Variants in MBTPS2 observed in about 807,000 individuals in gnomAD.
MBTPS2 encodes the protein membrane-bound transcription factor site-2 protease.
Under a neutral mutation model 35.4 loss-of-function variants are expected in MBTPS2, and 2 were observed. The observed-to-expected ratio is 0.06, with a 90% CI of 0.02 to 0.18. MBTPS2 has a LOEUF of 0.18. Ranked by LOEUF, MBTPS2 falls within the 10% of genes least tolerant of loss-of-function variation. MBTPS2 has a pLI of 1.00. For missense variants in MBTPS2, 244 were observed against 386.5 expected (o/e 0.63, Z 3.09); for synonymous variants, 125 against 140.4 (o/e 0.89, Z 0.77).
intron 1 of MBTPS2, among the ~76,000 whole-genome samples, chrX:21,842,746 CATT>C (rs1414590741): frequency 8.9e-6 from 1 of 112,048 alleles, no homozygotes; most frequent in African/African-American, 3.2e-5. Flanking sequence ...TTGTGGCTCA[CATT>C]ATATTTCTAT....
intron 7 of MBTPS2, among the ~76,000 whole-genome samples, chrX:21,874,579 C>T (rs1359406288): frequency 8.9e-6 from 1 of 111,734 alleles, no homozygotes; most frequent in Non-Finnish European, 1.9e-5. Context: ...TGGTCTAGAC[C>T]ATTCTTTGTA....
chrX:21,853,178 C>A (rs1005824753), intron 4 of MBTPS2, among the ~76,000 whole-genome samples, 198 bp from the exon 5 acceptor site: 1 of 110,652 alleles, frequency 9.0e-6, no homozygotes, highest in Non-Finnish European at 1.9e-5. Flanking sequence ...TTCAATTTCA[C>A]AGATAACCAA....
At chrX:21,852,799 C>CT (rs1292323161) in intron 4 of MBTPS2, among the ~76,000 whole-genome samples, 31 of 101,393 alleles carry the variant, frequency 3.1e-4, no homozygotes, top group African/African-American at 5.0e-4. Flanking sequence ...AAATGGTTCT[C>CT]TTTTTTTTTT....
intron 2 of MBTPS2, 21 bp from the exon 3 acceptor site, chrX:21,845,150 G>C (rs746374071): frequency 1.7e-6 from 2 of 1,208,417 alleles, no homozygotes; most frequent in East Asian, 5.9e-5. Context: ...AAATTAACAT[G>C]ATTTTTTTCC....
chrX:21,882,702 T>C lies in MBTPS2; in HGVS notation c.*47T>C, dbSNP rs1418921109. 1 of 1,204,019 alleles carries C rather than the reference T, an allele frequency of 8.3e-7. No individual in the cohort carries two copies. Among genetic ancestry groups the C allele is most frequent in the Admixed American group, 2.2e-5 (1 of 45,629 alleles). On this transcript the variant is annotated 3_prime_UTR_variant, in exon 11 of 11. Transcript: ENST00000379484. ...ATCCCTGAGTTACAGTATACAGCTA[T>C]GTGGTAATATTCATTGCCATTGAAA...
intron 2 of MBTPS2, among the ~76,000 whole-genome samples, chrX:21,844,012 A>G (rs1442308201): frequency 4.7e-5 from 5 of 107,009 alleles, no homozygotes; most frequent in Non-Finnish European, 9.6e-5. Flanking sequence ...TCGGGAGGCT[A>G]AGGCACAAGA....
rs1038938679 is a variant in MBTPS2 at position 21,883,934 on chromosome X, C to T, written c.*1279C>T. On this transcript the variant is annotated 3_prime_UTR_variant, in exon 11 of 11. Coordinates refer to ENST00000379484, the MANE Select transcript of MBTPS2 (RefSeq NM_015884.4). ...TTGGTCCTAGGAGTATATGAGCTTG[C>T]TGTTTCTTTGATGGAAAATACATGC... is the stretch of plus-strand genomic sequence containing the variant. 4.0e-6 allele frequency: 3 copies of T among 753,882 alleles called. No individual in the cohort carries two copies. Among genetic ancestry groups the T allele is most frequent in the Non-Finnish European group, 4.7e-6 (3 of 639,295 alleles). 62.1% of individuals were successfully genotyped at this position (753,882 alleles called of 1,213,427 possible).
intron 5 of MBTPS2, 62 bp from the exon 6 acceptor site, chrX:21,868,405 C>A: frequency 1.4e-6 from 1 of 715,516 alleles, no homozygotes; most frequent in Non-Finnish European, 2.3e-6. Context: ...GTTGTGAGGT[C>A]CAGCTACTTA....
At chrX:21,854,965 T>C (rs2092918828) in intron 5 of MBTPS2, among the ~76,000 whole-genome samples, 1 of 112,086 alleles carries the variant, frequency 8.9e-6, no homozygotes, top group African/African-American at 3.2e-5. Context: ...ATGAAATCAT[T>C]TTACTGAGAT....
At position 21,884,754 on chromosome X, in the gene MBTPS2, A is replaced by G. The variant is rs1334000983; in HGVS notation, c.*2099A>G. 1.5e-6 allele frequency: 1 copy of G among 661,793 alleles called. No homozygotes were observed. Among genetic ancestry groups the G allele is most frequent in the African/African-American group, 2.4e-5 (1 of 41,543 alleles). The allele number at this position is 661,793 out of a possible 1,213,427, so 54.5% of individuals were successfully genotyped here. A position where few individuals can be genotyped will look rare whatever the true frequency, so the allele number is the denominator to read the frequency against. ...ACAGTGCATGAGACATAAGTACTTAATAAATGCAGTTGAATGGATAATGAT... is the reference window on the plus strand; with the variant it reads ...ACAGTGCATGAGACATAAGTACTTAGTAAATGCAGTTGAATGGATAATGAT... On this transcript the variant is annotated 3_prime_UTR_variant, in exon 11 of 11. Transcript: ENST00000379484.
At chrX:21,841,212 G>T (rs897163712) in intron 1 of MBTPS2, among the ~76,000 whole-genome samples, 14 of 111,583 alleles carry the variant, frequency 1.3e-4, no homozygotes, top group African/African-American at 4.6e-4. Context: ...CCTGAGTCCA[G>T]GAGTTTGAGA....
chrX:21,858,455 TGC>T (rs1335314693), intron 5 of MBTPS2: 1 of 123,152 alleles, frequency 8.1e-6, no homozygotes, highest in African/African-American at 3.3e-5. Flanking sequence ...AAAAGTAGTT[TGC>T]CTATATCAGT....
At chrX:21,849,745 G>A (rs2092912509) in intron 3 of MBTPS2, among the ~76,000 whole-genome samples, 1 of 107,902 alleles carries the variant, frequency 9.3e-6, no homozygotes, top group Admixed American at 1.0e-4. Context: ...AGACAGGACC[G>A]GCCGGGCGCA....
intron 3 of MBTPS2, among the ~76,000 whole-genome samples, chrX:21,846,597 C>A (rs1409023482): frequency 8.9e-6 from 1 of 111,901 alleles, no homozygotes; most frequent in African/African-American, 3.2e-5. Context: ...CTTGAACTTC[C>A]GACCTCAGAT....
Position 21,883,854 on chromosome X carries a change from G to C in MBTPS2, c.*1199G>C. 8.0e-6 allele frequency: 6 copies of C among 754,286 alleles called. No homozygotes were observed. The highest frequency in any genetic ancestry group is 9.4e-6 in the Non-Finnish European group (6 of 639,415). The allele number at this position is 754,286 out of a possible 1,213,427, so 62.2% of individuals were successfully genotyped here. A position where few individuals can be genotyped will look rare whatever the true frequency, so the allele number is the denominator to read the frequency against. ...GCCACGCCTGCTTTGAGGTCTTTTGGAGTGGAGATGCAGCCCTGGGAAATT... is the reference window on the plus strand; with the variant it reads ...GCCACGCCTGCTTTGAGGTCTTTTGCAGTGGAGATGCAGCCCTGGGAAATT... On this transcript the variant is annotated 3_prime_UTR_variant, in exon 11 of 11. Coordinates refer to ENST00000379484, the MANE Select transcript of MBTPS2 (RefSeq NM_015884.4).
rs913616816 is a variant in MBTPS2, at chrX:21,883,879, T to C, written c.*1224T>C. On this transcript the variant is annotated 3_prime_UTR_variant, in exon 11 of 11. Coordinates refer to ENST00000379484, the MANE Select transcript of MBTPS2 (RefSeq NM_015884.4). ...GAGTGGAGATGCAGCCCTGGGAAATTTGGGGAGTCAGCAGGCCAGTGTGAA... is the reference window on the plus strand; with the variant it reads ...GAGTGGAGATGCAGCCCTGGGAAATCTGGGGAGTCAGCAGGCCAGTGTGAA... 2.7e-6 allele frequency: 2 copies of C among 753,777 alleles called. No individual in the cohort carries two copies. The highest frequency in any genetic ancestry group is 1.4e-4 in the South Asian group (2 of 14,781). 62.1% of individuals were successfully genotyped at this position (753,777 alleles called of 1,213,427 possible).
intron 7 of MBTPS2, among the ~76,000 whole-genome samples, chrX:21,875,885 T>G (rs1443772216): frequency 5.3e-5 from 6 of 112,203 alleles, no homozygotes; most frequent in African/African-American, 1.9e-4. Flanking sequence ...GACGTCAAGA[T>G]GGACATGGAC....
chrX:21,845,488 T>C (rs2092907734), intron 3 of MBTPS2, 104 bp downstream of exon 3: 1 of 798,711 alleles, frequency 1.3e-6, no homozygotes, highest in African/African-American at 2.1e-5. Context: ...TGAAAATAAA[T>C]TAAAAGTCTC....
intron 5 of MBTPS2, chrX:21,856,164 C>G (rs1164720109): frequency 3.8e-6 from 1 of 263,240 alleles, no homozygotes; most frequent in Non-Finnish European, 6.7e-6. Flanking sequence ...GGGTGGCAAA[C>G]GTACGCGGGC....
Sources: gnomAD v4.1 joint callset for allele counts (sites outside exome capture counted in the v4.1 genomes callset) on GRCh38, gnomAD v4.1.1 for gene constraint, MANE v1.5 for transcripts, NCBI Gene and HGNC (gene_info 2026-07-23, HGNC 2026-07-21) for gene names.